Variants in MED12L observed in about 807,000 individuals in gnomAD.
MED12L encodes mediator of RNA polymerase II transcription subunit 12-like protein.
A neutral mutation model predicts 281.3 loss-of-function variants in MED12L; 60 were observed. The ratio of observed to expected loss-of-function variants is 0.21; its 90% CI spans 0.17 to 0.26. The LOEUF (loss-of-function observed/expected upper bound fraction) is 0.26, where lower values mean the gene tolerates loss of function less well. MED12L is among the 10% of genes least tolerant of loss of function. The pLI, the probability that MED12L is intolerant of heterozygous loss-of-function variation, is 1.00. For missense variants in MED12L, 2,146 were observed against 2,680.9 expected, an observed-to-expected ratio of 0.80 and a Z score of 4.41; for synonymous variants, 974 against 987.2, an observed-to-expected ratio of 0.99 and a Z score of 0.25.
At chr3:151,311,659 G>A (rs1466848316) in intron 16 of MED12L, among the ~76,000 whole-genome samples, 3 of 152,146 alleles carry the variant, frequency 2.0e-5, no homozygotes, top group Non-Finnish European at 4.4e-5. Flanking sequence ...TTTAAGGATT[G>A]CATATTACTT....
intron 2 of MED12L, among the ~76,000 whole-genome samples, chr3:151,115,186 T>A: frequency 6.6e-6 from 1 of 152,168 alleles, no homozygotes; most frequent in Non-Finnish European, 1.5e-5. Context: ...GGCGTGTGCC[T>A]AGGAACCTTT....
At chr3:151,311,035 G>A (rs758684415) in intron 16 of MED12L, among the ~76,000 whole-genome samples, 1 of 152,180 alleles carries the variant, frequency 6.6e-6, no homozygotes, top group African/African-American at 2.4e-5. Flanking sequence ...AGAGCAAGAA[G>A]TAGTGTACCA....
chr3:151,123,024 T>G (rs1713991343), intron 4 of MED12L, 50 bp downstream of exon 4: 1 of 1,395,948 alleles, frequency 7.2e-7, no homozygotes, highest in Admixed American at 2.2e-5. Flanking sequence ...TAATCAGCTG[T>G]TTGGGATAAT....
intron 36 of MED12L, among the ~76,000 whole-genome samples, chr3:151,386,556 A>AT (rs1476957307): frequency 3.8e-5 from 5 of 130,280 alleles, no homozygotes; most frequent in Admixed American, 7.9e-5. Flanking sequence ...GGCCCAGCTA[A>AT]TTTTTTTTTG....
At chr3:151,334,202 T>C (rs1313930760) in intron 16 of MED12L, among the ~76,000 whole-genome samples, 1 of 145,770 alleles carries the variant, frequency 6.9e-6, no homozygotes, top group African/African-American at 2.5e-5. Context: ...CTTTCTTTTT[T>C]TTTTTGCCAT....
In MED12L at chr3:151,190,946, A is replaced by G. The variant is rs746771344; in HGVS notation, c.1968+15A>G. ...TGAAAATGGAGGTATGGCCCTGGAT[A>G]TGATGCCCCACTCCCCCAGAAACTA... is the stretch of plus-strand genomic sequence containing the variant. On this transcript the variant is annotated intron_variant, in intron 14 of 44. Coordinates refer to ENST00000687756, the MANE Select transcript of MED12L (RefSeq NM_001393769.1). 3.7e-6 allele frequency: 6 copies of G among 1,609,578 alleles called. No homozygotes were observed. The African/African-American group carries it at 4.0e-5, about 11-fold the overall frequency.
intron 16 of MED12L, among the ~76,000 whole-genome samples, chr3:151,333,299 T>G (rs1469198658): frequency 2.6e-5 from 4 of 152,214 alleles, no homozygotes; most frequent in African/African-American, 9.6e-5. Context: ...AATTCTGTTT[T>G]AAGTCCTTTG....
chr3:151,158,357 C>T (rs1413112530), intron 6 of MED12L, among the ~76,000 whole-genome samples: 1 of 152,012 alleles, frequency 6.6e-6, no homozygotes, highest in Non-Finnish European at 1.5e-5. Context: ...ATCACTGTTA[C>T]CCAAGTTTCC....
chr3:151,208,264 G>A (rs1032000259), intron 16 of MED12L, among the ~76,000 whole-genome samples: 2 of 152,206 alleles, frequency 1.3e-5, no homozygotes, highest in African/African-American at 4.8e-5. Context: ...TAAGGATTAT[G>A]TTCTCATGCA....
rs1464192210 is a variant in MED12L, at chr3:151,219,905, CT to C, written c.2250+26241del. Among the ~76,000 whole-genome samples the C allele has an allele frequency of 1.3e-4, 10 of 78,444 alleles. No individual in the cohort carries two copies. In the Admixed American group the frequency reaches 1.3e-3, roughly 10 times the overall value. 51.5% of individuals were successfully genotyped at this position (78,444 alleles called of 152,430 possible). The stretch of plus-strand genomic sequence containing the variant: ...TGGTTTATATTACCCCCCCCCCCCC[CT>C]TGGATATGGATGATCGAATCAATTT... On this transcript the variant is annotated intron_variant, in intron 16 of 44. Transcript: ENST00000687756.
At chr3:151,262,609 A>G (rs1398847308) in intron 16 of MED12L, among the ~76,000 whole-genome samples, 1 of 152,244 alleles carries the variant, frequency 6.6e-6, no homozygotes, top group African/African-American at 2.4e-5. Context: ...TTACTAAGGG[A>G]TGCATGGGCA....
At chr3:151,214,378 T>C in intron 16 of MED12L, 3 of 1,374,270 alleles carry the variant, frequency 2.2e-6, no homozygotes, top group Non-Finnish European at 3.0e-6. Flanking sequence ...ATAGGGCACT[T>C]ATGGCCTCCA....
At chr3:151,247,675 T>G (rs1735909276) in intron 16 of MED12L, among the ~76,000 whole-genome samples, 1 of 144,854 alleles carries the variant, frequency 6.9e-6, no homozygotes, top group Non-Finnish European at 1.5e-5. Flanking sequence ...GACGAGTTAG[T>G]GGGTGCAGTG....
intron 16 of MED12L, among the ~76,000 whole-genome samples, chr3:151,209,563 C>G (rs971802177): frequency 6.6e-6 from 1 of 152,134 alleles, no homozygotes; most frequent in Non-Finnish European, 1.5e-5. Flanking sequence ...AGACCACACA[C>G]TACCAAACAC....
intron 16 of MED12L, among the ~76,000 whole-genome samples, chr3:151,346,733 C>G (rs900066549): frequency 6.6e-6 from 1 of 152,082 alleles, no homozygotes; most frequent in African/African-American, 2.4e-5. Flanking sequence ...CCCTTCTTCC[C>G]TAAACATAAT....
chr3:151,308,656 T>A (rs971961515), intron 16 of MED12L, among the ~76,000 whole-genome samples: 1 of 152,192 alleles, frequency 6.6e-6, no homozygotes, highest in African/African-American at 2.4e-5. Context: ...TGTTTTGGAA[T>A]AGCATCCTGT....
At chr3:151,369,409 A>C in intron 25 of MED12L, 27 bp from the exon 26 acceptor site, 2 of 1,441,248 alleles carry the variant, frequency 1.4e-6, no homozygotes, top group Non-Finnish European at 1.9e-6. Context: ...TGGTAATGAG[A>C]CTATTAAAGA....
intron 9 of MED12L, 55 bp from the exon 10 acceptor site, chr3:151,165,365 A>T: frequency 7.2e-7 from 1 of 1,393,778 alleles, no homozygotes; most frequent in Non-Finnish European, 1.0e-6. Context: ...GACATGATTT[A>T]GACATGCGCT....
intron 16 of MED12L, among the ~76,000 whole-genome samples, chr3:151,334,755 C>T (rs1750769867): frequency 1.3e-5 from 2 of 152,148 alleles, no homozygotes; most frequent in South Asian, 2.1e-4. Context: ...CTGCCTCGGC[C>T]TCCCAAAGTA....
Sources: gnomAD v4.1 joint callset for allele counts (sites outside exome capture counted in the v4.1 genomes callset) on GRCh38, gnomAD v4.1.1 for gene constraint, MANE v1.5 for transcripts, NCBI Gene and HGNC (gene_info 2026-07-23, HGNC 2026-07-21) for gene names.